RIMS1: variants seen among roughly 807,000 people sequenced by gnomAD.
RIMS1 encodes the protein regulating synaptic membrane exocytosis protein 1.
In RIMS1, 83 loss-of-function variants were observed where a neutral mutation model predicts 214.1. The ratio of observed to expected loss-of-function variants is 0.39; its 90% CI spans 0.32 to 0.47. The LOEUF is 0.47. RIMS1 is among the 20% of genes least tolerant of loss of function. The probability of loss-of-function intolerance (pLI) is 0.99; values close to 1 mark genes in which losing one functional copy is unlikely to be tolerated. For missense variants in RIMS1, 2,050 were observed against 2,161.8 expected (o/e 0.95, Z 1.03); for synonymous variants, 793 against 786.8 (o/e 1.01, Z -0.13).
chr6:72,217,829 A>C (rs924722162), intron 6 of RIMS1, among the ~76,000 whole-genome samples: 3 of 152,196 alleles, frequency 2.0e-5, no homozygotes, highest in Non-Finnish European at 4.4e-5. Flanking sequence ...CCCAAGACAC[A>C]AAGAAGGAAA....
chr6:72,054,257 T>C (rs1041298518), intron 2 of RIMS1, among the ~76,000 whole-genome samples: 8 of 152,222 alleles, frequency 5.3e-5, no homozygotes, highest in African/African-American at 1.9e-4. Flanking sequence ...TGACATGATC[T>C]CATTCATTTT....
At chr6:72,006,504 C>T (rs867845633) in intron 2 of RIMS1, among the ~76,000 whole-genome samples, 26 of 152,090 alleles carry the variant, frequency 1.7e-4, no homozygotes, top group Admixed American at 1.5e-3. Context: ...TGCAGTGCAC[C>T]GAGTGTGATC....
Position 72,211,593 on chromosome 6 carries a change from C to T in RIMS1, c.1679-22180C>T, listed in dbSNP as rs868779385. ...TAGTACTTCAGTACTGTCCTTAATA[C>T]GCTGGTGGTGTATGGAACTTAGAAA... On this transcript the variant is annotated intron_variant, in intron 6 of 33. Coordinates refer to ENST00000521978, the MANE Select transcript of RIMS1 (RefSeq NM_014989.7). Among the ~76,000 whole-genome samples, 20 of 152,060 alleles carry T rather than the reference C, an allele frequency of 1.3e-4. No individual in the cohort carries two copies. In the South Asian group the frequency reaches 2.7e-3, roughly 21 times the overall value.
intron 28 of RIMS1, among the ~76,000 whole-genome samples, chr6:72,318,244 T>A (rs1266218017): frequency 6.6e-6 from 1 of 152,152 alleles, no homozygotes; most frequent in African/African-American, 2.4e-5. Flanking sequence ...ACTTCTATAT[T>A]GGTGTATGCT....
chr6:71,895,798 T>C (rs1771570189), intron 1 of RIMS1, among the ~76,000 whole-genome samples: 1 of 151,972 alleles, frequency 6.6e-6, no homozygotes, highest in Non-Finnish European at 1.5e-5. Context: ...AGATTGTATA[T>C]GAAGTACCTA....
At chr6:71,947,011 A>G (rs367824347) in intron 1 of RIMS1, among the ~76,000 whole-genome samples, 2 of 152,130 alleles carry the variant, frequency 1.3e-5, no homozygotes, top group African/African-American at 4.8e-5. Flanking sequence ...AAGAAGACAT[A>G]CCACTGGCCA....
At chr6:71,911,821 A>G (rs1009158084) in intron 1 of RIMS1, among the ~76,000 whole-genome samples, 2 of 152,270 alleles carry the variant, frequency 1.3e-5, no homozygotes, top group Middle Eastern at 3.4e-3. Context: ...CAAGAAACAC[A>G]TATTTCAGGT....
At chr6:72,001,024 A>T (rs1200914369) in intron 2 of RIMS1, among the ~76,000 whole-genome samples, 1 of 63,842 alleles carries the variant, frequency 1.6e-5, no homozygotes, top group Non-Finnish European at 4.4e-5. Context: ...AAACACCTGT[A>T]AAAAAATTCA....
In RIMS1 at chr6:72,182,307, A is replaced by C. The variant is rs753561433; in HGVS notation, c.836A>C (p.Glu279Ala). ...AGAAAGAAGACCCCAGGGCTTTCCGAGCAGAATGGCAAAGGAGCCCTGAAG... is the reference window on the plus strand; with the variant it reads ...AGAAAGAAGACCCCAGGGCTTTCCGCGCAGAATGGCAAAGGAGCCCTGAAG... ...RERKKTPGLS[E>A]QNGKGALKSE... The change falls in exon 6 of 34, where the codon GAG (glutamate) becomes GCG (alanine). Residue 279 changes from glutamate (E) to alanine (A), a missense_variant. Around this residue, in one of 6 missense-constraint regions of RIMS1, gnomAD observed 882 missense variants for 828.9 expected, o/e 1.06. Transcript: ENST00000521978. 6.2e-7 allele frequency: 1 copy of C among 1,601,318 alleles called. No homozygotes were observed. The highest frequency in any genetic ancestry group is 8.5e-7 in the Non-Finnish European group (1 of 1,174,298).
chr6:72,018,499 T>G (rs1213425142), intron 2 of RIMS1, among the ~76,000 whole-genome samples: 2 of 152,202 alleles, frequency 1.3e-5, no homozygotes, highest in Non-Finnish European at 2.9e-5. Context: ...AGTTATAGAA[T>G]AGGCATTTAT....
chr6:72,316,524 C>T, intron 28 of RIMS1: 1 of 374,868 alleles, frequency 2.7e-6, no homozygotes, highest in East Asian at 6.3e-5. Context: ...CAGACACCCT[C>T]CTGGCCTTGG....
intron 29 of RIMS1, among the ~76,000 whole-genome samples, chr6:72,335,409 C>CT (rs1485075983): frequency 2.0e-5 from 3 of 151,852 alleles, no homozygotes; most frequent in African/African-American, 7.2e-5. Flanking sequence ...GGGCTTCATC[C>CT]TTTTTTATGG....
At chr6:72,143,181 G>A (rs920352001) in intron 4 of RIMS1, among the ~76,000 whole-genome samples, 1 of 152,020 alleles carries the variant, frequency 6.6e-6, no homozygotes, top group African/African-American at 2.4e-5. Context: ...TCTCTTAAAT[G>A]TGATATTTAT....
intron 4 of RIMS1, among the ~76,000 whole-genome samples, chr6:72,168,508 G>A (rs186871542): frequency 1.2e-3 from 187 of 152,200 alleles, no homozygotes; most frequent in Non-Finnish European, 1.8e-3. Flanking sequence ...GTGCAGTGGC[G>A]TGCTAGCACT....
chr6:72,302,795 A>G (rs1377605000), intron 26 of RIMS1, among the ~76,000 whole-genome samples: 2 of 151,562 alleles, frequency 1.3e-5, no homozygotes, highest in Admixed American at 6.6e-5. Flanking sequence ...ATATGAGCTG[A>G]CCTTGTTAAA....
chr6:72,253,079 T>C (rs546990410), intron 16 of RIMS1, among the ~76,000 whole-genome samples: 1 of 152,324 alleles, frequency 6.6e-6, no homozygotes, highest in South Asian at 2.1e-4. Context: ...AACAAATCAT[T>C]ATTTCACAAT....
intron 4 of RIMS1, among the ~76,000 whole-genome samples, chr6:72,108,022 T>A (rs1197264438): frequency 6.6e-6 from 1 of 152,124 alleles, no homozygotes; most frequent in Non-Finnish European, 1.5e-5. Flanking sequence ...TTTTGTTTTA[T>A]TGTGTTTTGT....
intron 2 of RIMS1, among the ~76,000 whole-genome samples, chr6:71,995,046 A>C (rs1205532879): frequency 1.3e-5 from 2 of 152,150 alleles, no homozygotes; most frequent in African/African-American, 4.8e-5. Context: ...AGCTAGCATC[A>C]CAGAATTCTT....
rs182707350 is a variant in RIMS1, at chr6:71,892,332, G to T, written c.164+5145G>T. On this transcript the variant is annotated intron_variant, in intron 1 of 33. Transcript: ENST00000521978. ...TCTTGAAGAGAATTCTAGCCTGTGA[G>T]TATTTATTAGTTTTCCAATGTTAGT... is the stretch of plus-strand genomic sequence containing the variant. 2.0e-3 allele frequency among the ~76,000 whole-genome samples: 306 copies of T among 152,290 alleles called. 1 individual carries two copies. Among genetic ancestry groups the T allele is most frequent in the African/African-American group, 7.0e-3 (290 of 41,562 alleles).
Sources: gnomAD v4.1 joint callset for allele counts (sites outside exome capture counted in the v4.1 genomes callset) on GRCh38, gnomAD v4.1.1 for gene constraint, gnomAD v4.1.1 regional missense constraint, MANE v1.5 for transcripts, NCBI Gene and HGNC (gene_info 2026-07-23, HGNC 2026-07-21) for gene names.